ROBO1: variants seen among roughly 807,000 people sequenced by gnomAD.
The protein encoded by ROBO1 is roundabout guidance receptor 1.
Under a neutral mutation model 195.9 loss-of-function variants are expected in ROBO1, and 149 were observed. The ratio of observed to expected loss-of-function variants is 0.76; its 90% confidence interval spans 0.67 to 0.87. The LOEUF (loss-of-function observed/expected upper bound fraction) is 0.87, where lower values mean the gene tolerates loss of function less well. ROBO1 is among the 40% of genes least tolerant of loss of function. ROBO1 has a pLI of 0.00. For synonymous variants in ROBO1, 816 were observed against 733.2 expected (o/e 1.11, Z -1.82); for missense variants, 1,933 against 2,068.3 (o/e 0.93, Z 1.27).
At chr3:79,042,419 C>T (rs1356202987) in intron 3 of ROBO1, among the ~76,000 whole-genome samples, 1 of 152,086 alleles carries the variant, frequency 6.6e-6, no homozygotes, top group Non-Finnish European at 1.5e-5. Flanking sequence ...ATGGCGGTCG[C>T]ACAGCTGACA....
rs1011191209 is a variant in ROBO1, at chr3:78,902,654, C to T, written c.499+35947G>A. Among the ~76,000 whole-genome samples, 3 of 152,064 alleles carry T rather than the reference C, an allele frequency of 2.0e-5. No individual in the cohort carries two copies. In the East Asian group the frequency reaches 5.8e-4, roughly 29 times the overall value. The stretch of plus-strand genomic sequence containing the variant: ...GGTCAGGAGTTTGAGACCAGCCTGG[C>T]CAACATGATGAAACCCCATCTCTAC... On this transcript the variant is annotated intron_variant, in intron 4 of 30. Coordinates refer to ENST00000464233, the MANE Select transcript of ROBO1 (RefSeq NM_002941.4).
intron 1 of ROBO1, among the ~76,000 whole-genome samples, chr3:79,619,895 C>T (rs867414697): frequency 2.0e-5 from 3 of 152,142 alleles, no homozygotes; most frequent in South Asian, 4.1e-4. Context: ...CACAACAGGA[C>T]TTAATTAACC....
At chr3:79,312,418 A>C (rs758903201) in intron 2 of ROBO1, among the ~76,000 whole-genome samples, 4 of 152,242 alleles carry the variant, frequency 2.6e-5, no homozygotes, top group Non-Finnish European at 4.4e-5. Flanking sequence ...TCCCAAAGAA[A>C]TATCAAATTT....
At chr3:78,635,623 A>C in intron 23 of ROBO1, 150 bp downstream of exon 23, 1 of 616,134 alleles carries the variant, frequency 1.6e-6, no homozygotes. Context: ...TAACTCTTTG[A>C]CACTGGAAAT....
At position 79,504,911 on chromosome 3, in the gene ROBO1, G is replaced by A. The variant is rs529844138; in HGVS notation, c.88+84913C>T. Among the ~76,000 whole-genome samples, 4 of 152,142 alleles carry A rather than the reference G, an allele frequency of 2.6e-5. No homozygotes were observed. The East Asian group carries it at 7.7e-4, about 29-fold the overall frequency. On this transcript the variant is annotated intron_variant, in intron 2 of 30. Transcript: ENST00000464233. ...TGCGGAGATACTTAGTAGAGCATCT[G>A]AAGTTCTGGCATAATTTTCTTCATT...
intron 2 of ROBO1, among the ~76,000 whole-genome samples, chr3:79,142,645 T>C (rs1311608061): frequency 6.6e-6 from 1 of 152,084 alleles, no homozygotes; most frequent in Non-Finnish European, 1.5e-5. Context: ...TGTGAATACA[T>C]TGATTAGCAC....
rs36055689 is a variant in ROBO1 at position 78,606,878 on chromosome 3, T to G, written c.4599A>C (p.Glu1533Asp). Residue 1533 changes from glutamate to aspartate, a missense_variant, in exon 29 of 31, where the codon GAA becomes GAC. By Grantham distance (45) the Glu-to-Asp change is conservative. This residue lies in a region of ROBO1 where 1,737 missense variants were observed against 1,882.5 expected (regional missense o/e 0.92). Transcript: ENST00000464233. Reference protein sequence around the residue: ...DRKGSSYKGREVLDGRQVVDM... With the variant: ...DRKGSSYKGRDVLDGRQVVDM... ...CAACAACCTGTCTTCCATCCAACAC[T>G]TCTCTCCCCTTGTAACTGCTTCCTT... is the stretch of plus-strand genomic sequence containing the variant. The G allele has an allele frequency of 2.1e-3, 3,422 of 1,613,864 alleles. 74 individuals carry two copies. The African/African-American group carries it at 0.04, about 19-fold the overall frequency.
intron 3 of ROBO1, among the ~76,000 whole-genome samples, chr3:78,946,251 A>G (rs967381229): frequency 6.6e-6 from 1 of 152,180 alleles, no homozygotes; most frequent in Non-Finnish European, 1.5e-5. Context: ...TGAAGGAAAA[A>G]ATGTTAAGGG....
chr3:78,947,268 A>T (rs2040500198), intron 3 of ROBO1, among the ~76,000 whole-genome samples: 1 of 152,076 alleles, frequency 6.6e-6, no homozygotes, highest in African/African-American at 2.4e-5. Context: ...ACCACATAGT[A>T]GGAAGTAAAG....
intron 3 of ROBO1, among the ~76,000 whole-genome samples, chr3:79,031,686 G>A (rs1280612281): frequency 1.3e-5 from 2 of 152,038 alleles, no homozygotes; most frequent in African/African-American, 2.4e-5. Context: ...CACATAAAGC[G>A]CTTGTAACGG....
chr3:79,001,812 C>CTAA (rs2077511102), intron 3 of ROBO1, among the ~76,000 whole-genome samples: 1 of 152,138 alleles, frequency 6.6e-6, no homozygotes, highest in South Asian at 2.1e-4. Flanking sequence ...TCACTGTGAG[C>CTAA]TCTTTACTAT....
chr3:79,728,461 C>T (rs557951208), intron 1 of ROBO1, among the ~76,000 whole-genome samples: 34 of 152,104 alleles, frequency 2.2e-4, no homozygotes, highest in Middle Eastern at 3.4e-3. Flanking sequence ...TTTGTTATAC[C>T]GTTTCTGACC....
At chr3:79,242,794 A>T (rs1049160516) in intron 2 of ROBO1, among the ~76,000 whole-genome samples, 1 of 152,078 alleles carries the variant, frequency 6.6e-6, no homozygotes, top group African/African-American at 2.4e-5. Context: ...CAATGCATTG[A>T]CTGTCTGTGA....
rs562555704 is a variant in ROBO1 at position 78,998,328 on chromosome 3, G to A, written c.173-59401C>T. 4.6e-5 allele frequency among the ~76,000 whole-genome samples: 7 copies of A among 152,166 alleles called. No homozygotes were observed. The East Asian group carries it at 7.7e-4, about 17-fold the overall frequency. On this transcript the variant is annotated intron_variant, in intron 3 of 30. Transcript: ENST00000464233. ...GTAATAACGACGGCAAAAGTAGGCC[G>A]GAAGAACTAGTTTTATTTCAGGCCA... is the stretch of plus-strand genomic sequence containing the variant.
chr3:78,885,594 T>C (rs1385867164), intron 4 of ROBO1, among the ~76,000 whole-genome samples: 1 of 151,370 alleles, frequency 6.6e-6, no homozygotes, highest in Non-Finnish European at 1.5e-5. Context: ...GAAATATATA[T>C]ATTTATGTGC....
chr3:79,110,996 T>C (rs2108532751), intron 3 of ROBO1, among the ~76,000 whole-genome samples: 1 of 152,230 alleles, frequency 6.6e-6, no homozygotes, highest in East Asian at 1.9e-4. Context: ...ATATCACTTG[T>C]GGCCACCTTT....
At chr3:78,748,392 C>T (rs569429879) in intron 4 of ROBO1, among the ~76,000 whole-genome samples, 1 of 152,002 alleles carries the variant, frequency 6.6e-6, no homozygotes, top group East Asian at 1.9e-4. Flanking sequence ...TTGTGGTGAG[C>T]TGAGATCGTG....
At chr3:78,960,986 T>C (rs753453667) in intron 3 of ROBO1, among the ~76,000 whole-genome samples, 2 of 152,162 alleles carry the variant, frequency 1.3e-5, no homozygotes, top group Non-Finnish European at 2.9e-5. Flanking sequence ...ATACGCTGTA[T>C]GTATAGCCAA....
intron 10 of ROBO1, among the ~76,000 whole-genome samples, chr3:78,681,362 C>T (rs987105800): frequency 2.0e-5 from 3 of 151,994 alleles, no homozygotes; most frequent in Admixed American, 6.6e-5. Flanking sequence ...GGAGCATTTG[C>T]CACATGAGGC....
Sources: allele counts gnomAD v4.1 joint callset (sites outside exome capture counted in the v4.1 genomes callset), GRCh38; gene constraint gnomAD v4.1.1; regional missense constraint gnomAD v4.1.1; transcripts MANE v1.5; gene names NCBI Gene and HGNC (gene_info 2026-07-23, HGNC 2026-07-21).